ELOVL5: variants seen among roughly 807,000 people sequenced by gnomAD.
ELOVL5 encodes the protein ELOVL fatty acid elongase 5.
In ELOVL5, 8 loss-of-function variants were observed where a neutral mutation model predicts 38.6. The ratio of observed to expected loss-of-function variants is 0.21; its 90% CI spans 0.12 to 0.37. The LOEUF is 0.37. ELOVL5 is among the 10% of genes least tolerant of loss of function. The probability of loss-of-function intolerance (pLI) is 1.00; values close to 1 mark genes in which losing one functional copy is unlikely to be tolerated. For synonymous variants in ELOVL5, 127 were observed against 133.7 expected (o/e 0.95, Z 0.34); for missense variants, 280 against 367.8 (o/e 0.76, Z 1.95).
intron 1 of ELOVL5, among the ~76,000 whole-genome samples, chr6:53,313,735 A>G (rs1397673631): frequency 1.2e-4 from 16 of 128,642 alleles, no homozygotes; most frequent in Admixed American, 1.1e-3. Flanking sequence ...ACCATATTAT[A>G]AAAACAAAAA....
At chr6:53,348,684 G>A (rs1371876199) in intron 1 of ELOVL5, 133 bp downstream of exon 1, 3 of 358,092 alleles carry the variant, frequency 8.4e-6, no homozygotes, top group Non-Finnish European at 1.6e-5. Context: ...GGGTTGCCCC[G>A]GCAGCTCTTT....
chr6:53,322,645 A>G, intron 1 of ELOVL5, among the ~76,000 whole-genome samples: 1 of 151,994 alleles, frequency 6.6e-6, no homozygotes, highest in Non-Finnish European at 1.5e-5. Flanking sequence ...GAATCAACCA[A>G]CTCCTACCTG....
intron 2 of ELOVL5, among the ~76,000 whole-genome samples, chr6:53,292,446 C>T (rs1213416378): frequency 6.6e-6 from 1 of 152,206 alleles, no homozygotes; most frequent in East Asian, 1.9e-4. Flanking sequence ...ATTAGAAAGG[C>T]AGCCTTTGCT....
chr6:53,284,387 G>C (rs1440431829), intron 3 of ELOVL5, among the ~76,000 whole-genome samples: 5 of 151,956 alleles, frequency 3.3e-5, no homozygotes, highest in African/African-American at 7.3e-5. Flanking sequence ...AATCCTCTAA[G>C]GTCCCTGGTA....
intron 1 of ELOVL5, among the ~76,000 whole-genome samples, chr6:53,307,625 G>C (rs1268914203): frequency 6.6e-6 from 1 of 152,164 alleles, no homozygotes; most frequent in Non-Finnish European, 1.5e-5. Context: ...ATACCTCACA[G>C]CTCTGTTATT....
chr6:53,303,483 C>A (rs1767346406), intron 1 of ELOVL5, among the ~76,000 whole-genome samples: 1 of 152,152 alleles, frequency 6.6e-6, no homozygotes, highest in Non-Finnish European at 1.5e-5. Flanking sequence ...AAGGAAGTAA[C>A]AAACTCTTGT....
intron 2 of ELOVL5, among the ~76,000 whole-genome samples, chr6:53,292,280 G>A (rs1307283654): frequency 1.3e-5 from 2 of 152,182 alleles, no homozygotes; most frequent in Non-Finnish European, 2.9e-5. Context: ...TATTAACCAG[G>A]TATACCAGAT....
intron 1 of ELOVL5, among the ~76,000 whole-genome samples, chr6:53,329,327 GTTA>G (rs1334400844): frequency 6.6e-6 from 1 of 151,936 alleles, no homozygotes; most frequent in African/African-American, 2.4e-5. Context: ...CAGTAGGTTA[GTTA>G]TTTTTAAATG....
chr6:53,275,381 C>G, intron 4 of ELOVL5, 120 bp from the exon 5 acceptor site: 1 of 968,516 alleles, frequency 1.0e-6, no homozygotes, highest in Non-Finnish European at 1.6e-6. Flanking sequence ...CCGAGTGCCC[C>G]AAGAGCTCTT....
At chr6:53,294,345 A>G in intron 2 of ELOVL5, 1 of 1,575,206 alleles carries the variant, frequency 6.3e-7, no homozygotes, top group Non-Finnish European at 8.6e-7. Flanking sequence ...GCTGGCAAAG[A>G]GCTCTGGGAA....
chr6:53,318,745 G>C (rs931037570), intron 1 of ELOVL5, among the ~76,000 whole-genome samples: 23 of 151,646 alleles, frequency 1.5e-4, no homozygotes, highest in African/African-American at 5.6e-4. Context: ...GTCTCAAAAA[G>C]ATAAAAATAA....
chr6:53,337,173 AG>A (rs1222650769), intron 1 of ELOVL5: 9 of 152,528 alleles, frequency 5.9e-5, no homozygotes, highest in African/African-American at 2.2e-4. Flanking sequence ...TGTCCATTCC[AG>A]CAAGCTGTTC....
At chr6:53,284,467 A>G (rs1377137037) in intron 3 of ELOVL5, among the ~76,000 whole-genome samples, 2 of 152,212 alleles carry the variant, frequency 1.3e-5, no homozygotes, top group Non-Finnish European at 2.9e-5. Context: ...GTAAACATCT[A>G]TGGGTAACCA....
intron 1 of ELOVL5, among the ~76,000 whole-genome samples, chr6:53,324,691 A>AAAAAAAAAAG (rs70980840): frequency 6.8e-5 from 8 of 118,056 alleles, no homozygotes; most frequent in East Asian, 2.6e-4. Flanking sequence ...AAAAAAAAAA[A>AAAAAAAAAAG]GGAAAAGAAA....
intron 1 of ELOVL5, among the ~76,000 whole-genome samples, chr6:53,332,011 G>A (rs944917212): frequency 6.6e-6 from 1 of 152,142 alleles, no homozygotes; most frequent in African/African-American, 2.4e-5. Context: ...GCAAGAGAGA[G>A]ATGCCAGGCT....
chr6:53,295,007 T>C (rs542285904), intron 2 of ELOVL5, among the ~76,000 whole-genome samples: 10 of 152,370 alleles, frequency 6.6e-5, no homozygotes, highest in African/African-American at 2.2e-4. Context: ...ATCTCTGCCA[T>C]GTTAATAGAC....
intron 1 of ELOVL5, among the ~76,000 whole-genome samples, chr6:53,346,495 A>T (rs1296203734): frequency 1.3e-5 from 2 of 152,202 alleles, no homozygotes; most frequent in Non-Finnish European, 2.9e-5. Flanking sequence ...GCGTATTAAT[A>T]AGTACCTGAC....
At chr6:53,304,794 A>G (rs1184691018) in intron 1 of ELOVL5, among the ~76,000 whole-genome samples, 1 of 152,224 alleles carries the variant, frequency 6.6e-6, no homozygotes, top group Admixed American at 6.5e-5. Flanking sequence ...TTCTTAGTAC[A>G]GAACAAAATG....
At chr6:53,307,509 C>G (rs1767631451) in intron 1 of ELOVL5, among the ~76,000 whole-genome samples, 1 of 152,144 alleles carries the variant, frequency 6.6e-6, no homozygotes, top group South Asian at 2.1e-4. Flanking sequence ...ATTACAGAGA[C>G]CTTTGACAAT....
Sources: gnomAD v4.1 joint callset for allele counts (sites outside exome capture counted in the v4.1 genomes callset) on GRCh38, gnomAD v4.1.1 for gene constraint, MANE v1.5 for transcripts, NCBI Gene and HGNC (gene_info 2026-07-23, HGNC 2026-07-21) for gene names.